TBC1D12: variants seen among roughly 807,000 people sequenced by gnomAD.
TBC1D12 encodes TBC1 domain family member 12.
Under a neutral mutation model 86.7 loss-of-function variants are expected in TBC1D12, and 56 were observed. The observed-to-expected ratio is 0.65, with a 90% CI of 0.52 to 0.81. The LOEUF is 0.81. Among genes scored for constraint, TBC1D12 ranks in the 30% least tolerant of loss-of-function variants. The pLI is 0.00. For missense variants in TBC1D12, 1,023 were observed against 1,038.8 expected, an observed-to-expected ratio of 0.98 and a Z score of 0.21; for synonymous variants, 421 against 411.7, an observed-to-expected ratio of 1.02 and a Z score of -0.27.
At chr10:94,458,705 G>A (rs990585639) in intron 2 of TBC1D12, among the ~76,000 whole-genome samples, 2 of 152,142 alleles carry the variant, frequency 1.3e-5, no homozygotes, top group African/African-American at 4.8e-5. Flanking sequence ...CTGGCTTCAG[G>A]GGTGAAGCTG....
chr10:94,518,340 A>G (rs1378341739), intron 9 of TBC1D12, among the ~76,000 whole-genome samples: 1 of 151,872 alleles, frequency 6.6e-6, no homozygotes, highest in East Asian at 1.9e-4. Flanking sequence ...CAGCCTCCTG[A>G]GTAACTGGGA....
chr10:94,410,557 T>C (rs139699283), intron 1 of TBC1D12, among the ~76,000 whole-genome samples: 2 of 152,112 alleles, frequency 1.3e-5, no homozygotes, highest in Non-Finnish European at 2.9e-5. Context: ...TTTTTTTGGT[T>C]GTTGTTCTTG....
intron 2 of TBC1D12, among the ~76,000 whole-genome samples, chr10:94,465,918 G>A (rs924707527): frequency 1.2e-4 from 18 of 148,884 alleles, no homozygotes; most frequent in Non-Finnish European, 2.2e-4. Context: ...ACATATATAC[G>A]TATATATGCG....
chr10:94,413,026 A>G (rs913476427), intron 1 of TBC1D12, among the ~76,000 whole-genome samples: 1 of 152,192 alleles, frequency 6.6e-6, no homozygotes, highest in East Asian at 1.9e-4. Context: ...CCCGACTATA[A>G]CCACTGAAAT....
chr10:94,419,113 T>C (rs903814281), intron 1 of TBC1D12, among the ~76,000 whole-genome samples: 12 of 152,244 alleles, frequency 7.9e-5, no homozygotes, highest in African/African-American at 2.9e-4. Context: ...GACCTCGTGA[T>C]CCACCGGCCT....
chr10:94,524,695 C>T (rs1182085684), intron 11 of TBC1D12, among the ~76,000 whole-genome samples: 3 of 146,510 alleles, frequency 2.0e-5, no homozygotes, highest in Admixed American at 6.9e-5. Context: ...GTCGAGATCG[C>T]GCCACAGCAC....
chr10:94,535,964 A>G lies in TBC1D12; in HGVS notation c.*2868A>G, dbSNP rs1842533072. The stretch of plus-strand genomic sequence containing the variant: ...AATGAGTCTTCATTACTTTGGGGAT[A>G]TCTGTTTTATTTAACTGCATCTCAA... On this transcript the variant is annotated 3_prime_UTR_variant, in exon 13 of 13. Transcript: ENST00000225235. 1 of 152,156 alleles carries G rather than the reference A, an allele frequency of 6.6e-6. No individual in the cohort carries two copies. The highest frequency in any genetic ancestry group is 6.6e-5 in the Admixed American group (1 of 15,260). The allele number at this position is 152,156 out of a possible 1,614,324, so 9.4% of individuals were successfully genotyped here.
intron 8 of TBC1D12, among the ~76,000 whole-genome samples, chr10:94,510,661 C>A (rs1483049454): frequency 6.6e-6 from 1 of 152,082 alleles, no homozygotes; most frequent in Non-Finnish European, 1.5e-5. Flanking sequence ...TGACTCATGT[C>A]TTTATTTTTA....
chr10:94,481,045 CTT>C (rs769709070), intron 3 of TBC1D12, among the ~76,000 whole-genome samples: 57 of 126,918 alleles, frequency 4.5e-4, no homozygotes, highest in African/African-American at 6.4e-4. Context: ...TGAAAGGAAT[CTT>C]TTTTTTTTTT....
intron 1 of TBC1D12, among the ~76,000 whole-genome samples, chr10:94,409,478 C>A (rs1227433335): frequency 6.8e-6 from 1 of 148,106 alleles, no homozygotes; most frequent in Admixed American, 6.9e-5. Flanking sequence ...CTCAATTGAT[C>A]CTTTCAGCTC....
chr10:94,476,340 TGTG>T (rs2055988218), intron 3 of TBC1D12, among the ~76,000 whole-genome samples: 2 of 152,182 alleles, frequency 1.3e-5, no homozygotes, highest in South Asian at 2.1e-4. Flanking sequence ...ACTAAAGAAT[TGTG>T]GTCCCAATGC....
At chr10:94,524,318 AC>A (rs1842232083) in intron 11 of TBC1D12, among the ~76,000 whole-genome samples, 1 of 152,190 alleles carries the variant, frequency 6.6e-6, no homozygotes, top group African/African-American at 2.4e-5. Flanking sequence ...TGTGGCCACA[AC>A]TAACTGCAAG....
In TBC1D12 at chr10:94,474,695, T is replaced by A. The variant is rs1396706119; in HGVS notation, c.1123T>A (p.Cys375Ser). 4 of 1,614,040 alleles carry A rather than the reference T, an allele frequency of 2.5e-6. No individual in the cohort carries two copies. The highest frequency in any genetic ancestry group is 1.3e-5 in the African/African-American group (1 of 74,934). ...ATATGAAGCACGAACGGGGAGGACC[T>A]GTAAACCACCACCTCAGTCTTCAAG... is the stretch of plus-strand genomic sequence containing the variant. ...QEYEARTGRT[C>S]KPPPQSSRRK... Residue 375 changes from cysteine (C) to serine (S), a missense_variant, in exon 3 of 13, where the codon TGT (cysteine) becomes AGT (serine). This residue lies in a region of TBC1D12 where 395 missense variants were observed against 507.7 expected (regional missense o/e 0.78). Coordinates refer to ENST00000225235, the MANE Select transcript of TBC1D12 (RefSeq NM_015188.2).
chr10:94,495,113 G>T (rs371716958), intron 4 of TBC1D12, among the ~76,000 whole-genome samples: 2 of 151,384 alleles, frequency 1.3e-5, no homozygotes, highest in African/African-American at 4.9e-5. Context: ...GACCTCCGCT[G>T]CCTGGGTTCA....
intron 2 of TBC1D12, among the ~76,000 whole-genome samples, chr10:94,473,391 AAGAT>A (rs1302490838): frequency 1.3e-5 from 2 of 152,010 alleles, no homozygotes; most frequent in African/African-American, 4.8e-5. Flanking sequence ...AGAAAAAAAA[AAGAT>A]TATCAAATTT....
intron 9 of TBC1D12, among the ~76,000 whole-genome samples, chr10:94,515,411 G>A (rs2056579556): frequency 6.6e-6 from 1 of 151,216 alleles, no homozygotes; most frequent in Non-Finnish European, 1.5e-5. Context: ...GCAATGGCAT[G>A]ATCTTGGCTC....
At chr10:94,432,271 C>G (rs533658214) in intron 1 of TBC1D12, among the ~76,000 whole-genome samples, 1 of 152,002 alleles carries the variant, frequency 6.6e-6, no homozygotes, top group African/African-American at 2.4e-5. Flanking sequence ...AGGGATGGGG[C>G]GTCAAAAGAT....
intron 3 of TBC1D12, among the ~76,000 whole-genome samples, chr10:94,478,338 T>C (rs1182109392): frequency 6.6e-6 from 1 of 152,278 alleles, no homozygotes. Context: ...TTTCATCTTA[T>C]GTGAAGAGAA....
intron 2 of TBC1D12, among the ~76,000 whole-genome samples, chr10:94,444,664 A>G (rs2055428550): frequency 6.6e-6 from 1 of 151,914 alleles, no homozygotes; most frequent in Non-Finnish European, 1.5e-5. Flanking sequence ...TTGGATAATT[A>G]TCTTTGCTGA....
Sources: gnomAD v4.1 joint callset for allele counts (sites outside exome capture counted in the v4.1 genomes callset) on GRCh38, gnomAD v4.1.1 for gene constraint, gnomAD v4.1.1 regional missense constraint, MANE v1.5 for transcripts, NCBI Gene and HGNC (gene_info 2026-07-23, HGNC 2026-07-21) for gene names.